The following GLYR1 variants were observed in gnomAD, a reference collection of about 807,000 sequenced individuals.
GLYR1 encodes the protein glyoxylate reductase 1 homolog.
Under a neutral mutation model 72.7 loss-of-function variants are expected in GLYR1, and 21 were observed. That is an observed-to-expected ratio of 0.29 (90% confidence interval 0.20 to 0.42). The LOEUF (loss-of-function observed/expected upper bound fraction) is 0.42, where lower values mean the gene tolerates loss of function less well. GLYR1 is among the 10% of genes least tolerant of loss of function. The pLI is 1.00. For synonymous variants in GLYR1, 392 were observed against 270.2 expected (o/e 1.45, Z -4.42); for missense variants, 594 against 712.1 (o/e 0.83, Z 1.89).
At chr16:4,819,109 AAAG>A (rs2083840606) in intron 9 of GLYR1, among the ~76,000 whole-genome samples, 2 of 152,222 alleles carry the variant, frequency 1.3e-5, no homozygotes. Flanking sequence ...CAATGGTGCA[AAAG>A]AATGCCTTTC....
At chr16:4,824,554 C>T (rs1197640580) in intron 5 of GLYR1, among the ~76,000 whole-genome samples, 14 of 151,484 alleles carry the variant, frequency 9.2e-5, no homozygotes, top group Non-Finnish European at 2.1e-4. Context: ...AAGGAATCCG[C>T]CATATTTCAA....
At position 4,811,661 on chromosome 16, in the gene GLYR1, C is replaced by T. The variant is rs1345837125; in HGVS notation, c.1424G>A (p.Gly475Glu). Residue 475 changes from glycine (G) to glutamate (E), a missense_variant, in exon 14 of 16, where the codon GGA (glycine) becomes GAA (glutamate). By Grantham distance (98) the Gly-to-Glu change is moderately conservative. Coordinates refer to ENST00000321919, the MANE Select transcript of GLYR1 (RefSeq NM_032569.4). ...GTCCAGGAAGATGCTGGCCAACTGT[C>T]CCTGATTGAGGATGTCCAAGAGTGT... ...QQTLLDILNQ[G>E]QLASIFLDQK... The T allele has an allele frequency of 1.2e-6, 2 of 1,614,194 alleles. No individual in the cohort carries two copies. The highest frequency in any genetic ancestry group is 1.7e-5 in the Admixed American group (1 of 60,028).
chr16:4,828,203 G>C (rs2084540776), intron 5 of GLYR1, among the ~76,000 whole-genome samples: 1 of 151,454 alleles, frequency 6.6e-6, no homozygotes, highest in Non-Finnish European at 1.5e-5. Flanking sequence ...CTGAGTAGCT[G>C]GGACTATAGG....
At chr16:4,824,462 C>T (rs933118198) in intron 5 of GLYR1, among the ~76,000 whole-genome samples, 35 of 146,682 alleles carry the variant, frequency 2.4e-4, no homozygotes, top group Admixed American at 6.3e-4. Flanking sequence ...ATTGCACCAC[C>T]GCACTCCAGC....
At chr16:4,817,960 T>C (rs188022556) in intron 9 of GLYR1, 3 of 428,266 alleles carry the variant, frequency 7.0e-6, no homozygotes, top group Non-Finnish European at 8.6e-6. Context: ...ATGATGTGTA[T>C]GGTTCAGGGC....
chr16:4,832,339 C>G, intron 4 of GLYR1, 118 bp from the exon 5 acceptor site: 1 of 1,230,944 alleles, frequency 8.1e-7, no homozygotes, highest in South Asian at 1.5e-5. Context: ...TCACAATGAC[C>G]CTAGAAATAG....
At chr16:4,816,716 T>C (rs2083661543) in intron 10 of GLYR1, among the ~76,000 whole-genome samples, 1 of 152,056 alleles carries the variant, frequency 6.6e-6, no homozygotes, top group South Asian at 2.1e-4. Flanking sequence ...CCAGGCACAG[T>C]GGCTCACACC....
chr16:4,846,192 A>G lies in GLYR1; in HGVS notation c.57T>C (p.Tyr19=). The change falls in exon 2 of 16, where the codon TAT becomes TAC. Residue 19 remains tyrosine (Y), a synonymous_variant. Transcript: ENST00000321919. The part of the protein sequence containing the change: ...GDLVWGKLGR[Y]PPWPGKIVNP... ...CACTCACCTTTCCTGGCCAAGGAGG[A>G]TATCGGCCGAGTTTCCCCCTAGAGA... 6.2e-7 allele frequency: 1 copy of G among 1,613,956 alleles called. No individual in the cohort carries two copies. Among genetic ancestry groups the G allele is most frequent in the Non-Finnish European group, 8.5e-7 (1 of 1,179,898 alleles).
chr16:4,841,486 A>AT (rs2085548693), intron 3 of GLYR1, among the ~76,000 whole-genome samples: 1 of 144,800 alleles, frequency 6.9e-6, no homozygotes, highest in South Asian at 2.2e-4. Flanking sequence ...AAAAAAAAAA[A>AT]GTAAAAAATT....
chr16:4,823,611 T>C (rs1437899936), intron 6 of GLYR1, among the ~76,000 whole-genome samples: 1 of 152,090 alleles, frequency 6.6e-6, no homozygotes, highest in Non-Finnish European at 1.5e-5. Context: ...TAAGTGGGCA[T>C]CCCAAAGGAC....
At chr16:4,820,042 G>A (rs2083912362) in intron 9 of GLYR1, among the ~76,000 whole-genome samples, 1 of 152,124 alleles carries the variant, frequency 6.6e-6, no homozygotes, top group Non-Finnish European at 1.5e-5. Flanking sequence ...CTGTTGCCCA[G>A]GCTGGAGTGC....
chr16:4,821,726 C>G, intron 7 of GLYR1, 129 bp from the exon 8 acceptor site: 4 of 817,918 alleles, frequency 4.9e-6, no homozygotes, highest in Non-Finnish European at 8.2e-6. Flanking sequence ...CTTTAGTGAA[C>G]TCCAAATTTT....
At chr16:4,842,291 C>T (rs1045442104) in intron 3 of GLYR1, among the ~76,000 whole-genome samples, 1 of 151,942 alleles carries the variant, frequency 6.6e-6, no homozygotes, top group Non-Finnish European at 1.5e-5. Context: ...AAAACAAATC[C>T]CATCTCTTCA....
At chr16:4,837,517 T>A (rs187846015) in intron 3 of GLYR1, among the ~76,000 whole-genome samples, 9 of 152,092 alleles carry the variant, frequency 5.9e-5, no homozygotes, top group African/African-American at 2.2e-4. Context: ...GTCACATGTG[T>A]TTCAGCCTTC....
chr16:4,833,744 ATGAAAG>A (rs1280636202), intron 3 of GLYR1, among the ~76,000 whole-genome samples: 1 of 152,230 alleles, frequency 6.6e-6, no homozygotes, highest in Non-Finnish European at 1.5e-5. Context: ...TGTGTAACAC[ATGAAAG>A]TGAAAGTAGT....
Position 4,805,263 on chromosome 16 carries a change from G to A in GLYR1, c.1635C>T (p.Ser545=), listed in dbSNP as rs530077199. 2.8e-5 allele frequency: 45 copies of A among 1,614,082 alleles called. No individual in the cohort carries two copies. The highest frequency in any genetic ancestry group is 1.6e-4 in the South Asian group (15 of 91,032). ...AGTGTATGTAGGCTCGGTACACGGC[G>A]GACATATCGTTGTCAGACTGGTCCA... is the stretch of plus-strand genomic sequence containing the variant. ...KALDQSDNDM[S]AVYRAYIH The change falls in exon 16 of 16, where the codon TCC becomes TCT. Residue 545 remains serine (S), a synonymous_variant. Transcript: ENST00000321919.
chr16:4,840,081 C>G (rs950617740), intron 3 of GLYR1: 1 of 152,280 alleles, frequency 6.6e-6, no homozygotes, highest in Non-Finnish European at 1.5e-5. Flanking sequence ...ATGGCTTTGT[C>G]TTCACAAGTT....
Position 4,812,236 on chromosome 16 carries a change from T to A in GLYR1, c.1132A>T (p.Arg378Trp). 6.2e-7 allele frequency: 1 copy of A among 1,612,146 alleles called. No homozygotes were observed. The highest frequency in any genetic ancestry group is 8.5e-7 in the Non-Finnish European group (1 of 1,179,468). ...VTELAQVIVS[R>W]GGRFLEAPVS... ...GGGGCTTCCAGAAAGCGCCCCCCCC[T>A]GGACACAATCACCTGGAAAGAAAAG... Residue 378 changes from arginine to tryptophan, a missense_variant, in exon 13 of 16, where the codon AGG (arginine) becomes TGG (tryptophan). Arg to Trp is a moderately radical substitution (Grantham distance 101, BLOSUM62 -3). Transcript: ENST00000321919.
intron 12 of GLYR1, among the ~76,000 whole-genome samples, chr16:4,813,185 G>C (rs554419966): frequency 4.5e-4 from 68 of 151,790 alleles, no homozygotes; most frequent in Middle Eastern, 6.8e-3. Context: ...GGATGGTCTC[G>C]ATCTCCTGAC....
Sources: gnomAD v4.1 joint callset for allele counts (sites outside exome capture counted in the v4.1 genomes callset) on GRCh38, gnomAD v4.1.1 for gene constraint, MANE v1.5 for transcripts, NCBI Gene and HGNC (gene_info 2026-07-23, HGNC 2026-07-21) for gene names.